MYOM3: variants seen among roughly 807,000 people sequenced by gnomAD.
MYOM3 encodes myomesin-3.
Under a neutral mutation model 191.7 loss-of-function variants are expected in MYOM3, and 155 were observed. The observed-to-expected ratio is 0.81, with a 90% CI of 0.71 to 0.92. MYOM3 has a LOEUF of 0.92. MYOM3 is among the 40% of genes least tolerant of loss of function. The pLI is 0.00. For synonymous variants in MYOM3, 757 were observed against 762.9 expected, an observed-to-expected ratio of 0.99 and a Z score of 0.13; for missense variants, 1,889 against 1,890.6, an observed-to-expected ratio of 1.00 and a Z score of 0.02.
At chr1:24,071,003 T>A (rs948514843) in intron 25 of MYOM3, 114 bp downstream of exon 25, 2 of 1,322,316 alleles carry the variant, frequency 1.5e-6, no homozygotes, top group Non-Finnish European at 2.1e-6. Flanking sequence ...AAGCACACCG[T>A]CATTTCTGAA....
intron 6 of MYOM3, among the ~76,000 whole-genome samples, chr1:24,099,197 ACT>A (rs1240399294): frequency 6.6e-6 from 1 of 151,612 alleles, no homozygotes; most frequent in Admixed American, 6.6e-5. Context: ...GAAAGGCTGA[ACT>A]CTCTCCCATG....
rs1160844473 is a variant in MYOM3 at position 24,106,742 on chromosome 1, T to A, written c.402+331A>T. Among the ~76,000 whole-genome samples the A allele has an allele frequency of 5.3e-5, 8 of 152,128 alleles. No individual in the cohort carries two copies. The East Asian group carries it at 1.5e-3, about 29-fold the overall frequency. ...GGATTACAGGCCCAGGTAATTTTTG[T>A]ATTTTTAGTAGATACAGGGTTTCAC... On this transcript the variant is annotated intron_variant, in intron 4 of 36. Transcript: ENST00000374434.
At chr1:24,099,883 T>G (rs1445422659) in intron 5 of MYOM3, 108 bp from the exon 6 acceptor site, 1 of 823,570 alleles carries the variant, frequency 1.2e-6, no homozygotes, top group African/African-American at 1.7e-5. Flanking sequence ...GTTTTGTTTT[T>G]TTGAGACGGA....
intron 28 of MYOM3, 157 bp downstream of exon 28, chr1:24,066,864 C>T (rs1463088828): frequency 9.3e-6 from 6 of 645,340 alleles, no homozygotes; most frequent in East Asian, 2.9e-5. Flanking sequence ...TTTTGGGTTA[C>T]GTGTGGTCTC....
chr1:24,106,165 T>C, intron 4 of MYOM3, 88 bp from the exon 5 acceptor site: 1 of 1,410,670 alleles, frequency 7.1e-7, no homozygotes, highest in Non-Finnish European at 9.5e-7. Flanking sequence ...ACACCCAGAC[T>C]CTGTAGTTAG....
chr1:24,068,212 G>C lies in MYOM3; in HGVS notation c.3295+11C>G. 6.2e-7 allele frequency: 1 copy of C among 1,613,140 alleles called. No homozygotes were observed. Among genetic ancestry groups the C allele is most frequent in the Non-Finnish European group, 8.5e-7 (1 of 1,179,548 alleles). ...GCAGGGCTGGGCGGGGCGAGGCTGG[G>C]CATGGCTGACCGTCATCCACCAGTG... On this transcript the variant is annotated intron_variant, in intron 26 of 36. Transcript: ENST00000374434.
chr1:24,076,354 C>G lies in MYOM3; in HGVS notation c.2587-81G>C, dbSNP rs924431058. The G allele has an allele frequency of 2.0e-5, 20 of 998,934 alleles. No homozygotes were observed. In the South Asian group the frequency reaches 2.6e-4, roughly 13 times the overall value. 61.9% of individuals were successfully genotyped at this position (998,934 alleles called of 1,614,324 possible). A position where few individuals can be genotyped will look rare whatever the true frequency, so the allele number is the denominator to read the frequency against. On this transcript the variant is annotated intron_variant, in intron 20 of 36. Coordinates refer to ENST00000374434, the MANE Select transcript of MYOM3 (RefSeq NM_152372.4). ...CTGGGCCCCAGGGAGCAGGGAGCCA[C>G]TCTCAATAAGAAAACCCTCTCCCTT... is the stretch of plus-strand genomic sequence containing the variant.
At chr1:24,060,418 G>C (rs1467197015) in intron 35 of MYOM3, among the ~76,000 whole-genome samples, 1 of 152,232 alleles carries the variant, frequency 6.6e-6, no homozygotes, top group South Asian at 2.1e-4. Context: ...CTGGCGGTGT[G>C]AGTTTTCTTG....
rs1249146473 is a variant in MYOM3 at position 24,099,760 on chromosome 1, T to C, written c.576A>G (p.Thr192=). The C allele has an allele frequency of 6.2e-7, 1 of 1,613,858 alleles. No individual in the cohort carries two copies. The highest frequency in any genetic ancestry group is 2.2e-5 in the East Asian group (1 of 44,866). Residue 192 remains threonine, a synonymous_variant, in exon 6 of 37, where the codon ACA becomes ACG. Coordinates refer to ENST00000374434, the MANE Select transcript of MYOM3 (RefSeq NM_152372.4). ...PPQVTWYKND[T]RIDPRLFRAG... Reference sequence around the variant, plus strand: ...CACGAAAGAGGCGGGGATCAATCCGTGTGTCATTTTTGTACCTGTGGGGAC... The same window carrying C: ...CACGAAAGAGGCGGGGATCAATCCGCGTGTCATTTTTGTACCTGTGGGGAC...
chr1:24,066,982 C>T, intron 28 of MYOM3, 39 bp downstream of exon 28: 1 of 1,541,320 alleles, frequency 6.5e-7, no homozygotes. Context: ...CACAGGTCCC[C>T]CTGCACTGGG....
chr1:24,086,923 C>T (rs1643757336), intron 14 of MYOM3, 96 bp from the exon 15 acceptor site: 23 of 1,314,080 alleles, frequency 1.8e-5, no homozygotes, highest in Non-Finnish European at 2.3e-5. Context: ...CCCGTGTGCT[C>T]TCATGATCCT....
At position 24,063,576 on chromosome 1, in the gene MYOM3, A is replaced by G. The variant is rs1244191347; in HGVS notation, c.3623-46T>C. ...GGGTTAGCTGGCATAGGGCTCCCCT[A>G]GGGATGTGCTAGGAGTGGGGACATC... On this transcript the variant is annotated intron_variant, in intron 30 of 36. Transcript: ENST00000374434. This position sits in a 1 kb window ranked among gnomAD's most constrained non-coding sequence, Gnocchi z 4.5. 1 of 1,611,518 alleles carries G rather than the reference A, an allele frequency of 6.2e-7. No individual in the cohort carries two copies. The highest frequency in any genetic ancestry group is 1.3e-5 in the African/African-American group (1 of 74,862).
intron 36 of MYOM3, 139 bp downstream of exon 36, chr1:24,058,785 A>C (rs1643332827): frequency 1.5e-6 from 1 of 672,480 alleles, no homozygotes; most frequent in Admixed American, 2.3e-5. Flanking sequence ...CCTTTGTACC[A>C]CATGTCATCA....
At position 24,093,033 on chromosome 1, in the gene MYOM3, G is replaced by T; in HGVS notation, c.1004C>A (p.Thr335Asn). 6.2e-7 allele frequency: 1 copy of T among 1,613,210 alleles called. No individual in the cohort carries two copies. The highest frequency in any genetic ancestry group is 8.5e-7 in the Non-Finnish European group (1 of 1,179,866). ...GTAGAGCCCCTCGTCCTCCTTGTAG[G>T]TGCAGGACACCTTCAGGGATGCCTG... ...DRQASLKVSC[T>N]YKEDEGLYMV... is the part of the protein sequence containing the mutation. The change falls in exon 10 of 37, where the codon ACC (threonine) becomes AAC (asparagine). Residue 335 changes from threonine to asparagine, a missense_variant. Transcript: ENST00000374434.
Position 24,081,356 on chromosome 1 carries a change from C to T in MYOM3, c.2381G>A (p.Cys794Tyr), listed in dbSNP as rs1223223186. The T allele has an allele frequency of 2.5e-6, 4 of 1,614,116 alleles. No individual in the cohort carries two copies. In the South Asian group the frequency reaches 4.4e-5, roughly 18 times the overall value. Residue 794 changes from cysteine to tyrosine, a missense_variant, in exon 19 of 37, where the codon TGC (cysteine) becomes TAC (tyrosine). Physicochemically the swap from Cys to Tyr is radical, Grantham distance 194. Coordinates refer to ENST00000374434, the MANE Select transcript of MYOM3 (RefSeq NM_152372.4). ...ELSAPSSLFE[C>Y]KEWTMPQPGP... ...TGGCTGGGGCATTGTCCACTCTTTGCACTCAAACAGGCTGCTGGGTGCCGA... is the reference window on the plus strand; with the variant it reads ...TGGCTGGGGCATTGTCCACTCTTTGTACTCAAACAGGCTGCTGGGTGCCGA...
chr1:24,083,335 A>C (rs1225961424), intron 16 of MYOM3: 2 of 152,194 alleles, frequency 1.3e-5, no homozygotes, highest in Non-Finnish European at 2.9e-5. Flanking sequence ...TGACCTTGAA[A>C]ATTGGACTCC....
chr1:24,064,148 CT>C lies in MYOM3; in HGVS notation c.3545del (p.Lys1182ArgfsTer46). On this transcript the variant is annotated frameshift_variant, in exon 30 of 37. Transcript: ENST00000374434. LOFTEE classifies it high-confidence loss of function. ...CCATCGCTCTGTAAATTCCCTTGTC[CT>C]TTTTGGACAACTGGAAAGAAGGATG... ...GLLCIEELSKKDKGIYRAMVS... is the reference protein window; with the variant it reads ...GLLCIEELSKXDKGIYRAMVS... 6.2e-7 allele frequency: 1 copy of C among 1,613,700 alleles called. No individual in the cohort carries two copies.
chr1:24,095,580 C>T, intron 7 of MYOM3, 94 bp from the exon 8 acceptor site: 1 of 1,117,044 alleles, frequency 9.0e-7, no homozygotes, highest in Admixed American at 2.2e-5. Flanking sequence ...GAGTTTGAGT[C>T]CTGGTCTGTT....
At chr1:24,075,528 G>A in intron 21 of MYOM3, 53 bp from the exon 22 acceptor site, 2 of 1,497,778 alleles carry the variant, frequency 1.3e-6, no homozygotes, top group South Asian at 1.4e-5. Context: ...AATAAACCAG[G>A]TCACACCCCT....
Sources: gnomAD v4.1 joint callset for allele counts (sites outside exome capture counted in the v4.1 genomes callset) on GRCh38, gnomAD v4.1.1 for gene constraint, Gnocchi (gnomAD v3.1) non-coding constraint, MANE v1.5 for transcripts, NCBI Gene and HGNC (gene_info 2026-07-23, HGNC 2026-07-21) for gene names.